The following NHEJ1 variants were observed in gnomAD, a reference collection of about 807,000 sequenced individuals.
NHEJ1 encodes non-homologous end joining factor 1, also known as non-homologous end-joining factor 1.
A neutral mutation model predicts 39.4 loss-of-function variants in NHEJ1; 22 were observed. The ratio of observed to expected loss-of-function variants is 0.56; its 90% CI spans 0.40 to 0.80. The LOEUF (loss-of-function observed/expected upper bound fraction) is 0.80, where lower values mean the gene tolerates loss of function less well. Among genes scored for constraint, NHEJ1 ranks in the 30% least tolerant of loss-of-function variants. The pLI is 0.00. For missense variants in NHEJ1, 329 were observed against 357.1 expected, an observed-to-expected ratio of 0.92 and a Z score of 0.63; for synonymous variants, 154 against 135.6, an observed-to-expected ratio of 1.14 and a Z score of -0.94.
chr2:219,129,437 A>T (rs1949555401), intron 5 of NHEJ1, among the ~76,000 whole-genome samples: 1 of 152,208 alleles, frequency 6.6e-6, no homozygotes, highest in Admixed American at 6.5e-5. Context: ...GAGAAGTGGG[A>T]CTAGCAAGTC....
intron 5 of NHEJ1, among the ~76,000 whole-genome samples, chr2:219,107,607 T>C (rs1298409210): frequency 1.3e-5 from 2 of 152,134 alleles, no homozygotes. Flanking sequence ...CCCAGGCTGC[T>C]CCCAAATAAT....
intron 5 of NHEJ1, among the ~76,000 whole-genome samples, chr2:219,136,606 T>C (rs1949631094): frequency 6.6e-6 from 1 of 151,796 alleles, no homozygotes; most frequent in Admixed American, 6.6e-5. Flanking sequence ...GGTTTCTTTA[T>C]TTGTTTGTTT....
At chr2:219,153,629 G>C (rs1949818752) in intron 3 of NHEJ1, among the ~76,000 whole-genome samples, 1 of 137,580 alleles carries the variant, frequency 7.3e-6, no homozygotes, top group Non-Finnish European at 1.5e-5. Context: ...CACTTGAGCT[G>C]AGGAATTCAA....
chr2:219,158,516 C>T (rs962436115), intron 1 of NHEJ1, among the ~76,000 whole-genome samples, 154 bp from the exon 2 acceptor site: 2 of 152,096 alleles, frequency 1.3e-5, no homozygotes, highest in East Asian at 3.8e-4. Context: ...ATACAACCAG[C>T]TGAGCACTGA....
intron 5 of NHEJ1, among the ~76,000 whole-genome samples, chr2:219,109,637 C>A (rs891332771): frequency 6.6e-6 from 1 of 152,066 alleles, no homozygotes; most frequent in Non-Finnish European, 1.5e-5. Context: ...TGGAGGCGGG[C>A]TGGTGTCTGG....
chr2:219,095,925 T>C (rs1034317765), intron 5 of NHEJ1, among the ~76,000 whole-genome samples: 2 of 151,582 alleles, frequency 1.3e-5, no homozygotes, highest in Non-Finnish European at 2.9e-5. Flanking sequence ...AACCAAGATT[T>C]AGATTCAGGG....
intron 5 of NHEJ1, among the ~76,000 whole-genome samples, chr2:219,138,127 C>G (rs1188806816): frequency 6.6e-6 from 1 of 152,094 alleles, no homozygotes; most frequent in African/African-American, 2.4e-5. Flanking sequence ...ACATATTGAA[C>G]AACAGGTACA....
chr2:219,077,342 A>G lies in NHEJ1; in HGVS notation c.729T>C (p.Ser243=), dbSNP rs1949023830. 2 of 1,613,902 alleles carry G rather than the reference A, an allele frequency of 1.2e-6. No homozygotes were observed. The highest frequency in any genetic ancestry group is 1.1e-5 in the South Asian group (1 of 91,082). The part of the protein sequence containing the change: ...QGAGDPHTSN[S]ASLQGIDSQC... ...GGCTATCGATTCCTTGCAGGGAAGCACTGTTTGAGGTATGAGGATCTCCTG... is the reference window on the plus strand; with the variant it reads ...GGCTATCGATTCCTTGCAGGGAAGCGCTGTTTGAGGTATGAGGATCTCCTG... Residue 243 remains serine (S), a synonymous_variant, in exon 7 of 8, where the codon AGT becomes AGC. Coordinates refer to ENST00000356853, the MANE Select transcript of NHEJ1 (RefSeq NM_024782.3).
At chr2:219,139,669 G>T (rs1005837227) in intron 5 of NHEJ1, among the ~76,000 whole-genome samples, 6 of 152,044 alleles carry the variant, frequency 3.9e-5, no homozygotes, top group South Asian at 4.2e-4. Context: ...GTTTTTTGGG[G>T]TTTTTTGTTT....
intron 3 of NHEJ1, among the ~76,000 whole-genome samples, chr2:219,155,816 G>C (rs1040755710): frequency 6.6e-6 from 1 of 151,562 alleles, no homozygotes; most frequent in African/African-American, 2.4e-5. Context: ...TCCCAGCTAC[G>C]GGGGGCGCTG....
At chr2:219,120,293 C>T (rs143692656) in intron 5 of NHEJ1, among the ~76,000 whole-genome samples, 143 of 152,258 alleles carry the variant, frequency 9.4e-4, no homozygotes, top group African/African-American at 3.3e-3. Context: ...ACACAAGGTC[C>T]ATACTCTCAG....
At position 219,072,525 on chromosome 2, in the gene NHEJ1, C is replaced by T. The variant is rs1424110150; in HGVS notation, c.*3856G>A. 6.6e-6 allele frequency among the ~76,000 whole-genome samples: 1 copy of T among 152,144 alleles called. No individual in the cohort carries two copies. The highest frequency in any genetic ancestry group is 1.9e-4 in the East Asian group (1 of 5,196). Reference sequence around the variant, plus strand: ...ACAGTAGAGCTTAGAAAAACATATCCTGATTGTATCAAAACCTAGTTGACA... The same window carrying T: ...ACAGTAGAGCTTAGAAAAACATATCTTGATTGTATCAAAACCTAGTTGACA... On this transcript the variant is annotated 3_prime_UTR_variant, in exon 8 of 8. Transcript: ENST00000356853.
intron 1 of NHEJ1, among the ~76,000 whole-genome samples, chr2:219,159,538 CAT>C (rs570504745): frequency 0.043 from 2,122 of 49,860 alleles, 181 homozygotes; most frequent in African/African-American, 0.14. Flanking sequence ...TATATATATG[CAT>C]ATATATATAT....
At chr2:219,089,617 T>C (rs1203076164) in intron 5 of NHEJ1, among the ~76,000 whole-genome samples, 1 of 152,160 alleles carries the variant, frequency 6.6e-6, no homozygotes, top group East Asian at 1.9e-4. Context: ...AGGTATGGCA[T>C]TTATTTTTGG....
chr2:219,095,370 A>G (rs1949198469), intron 5 of NHEJ1: 3 of 470,830 alleles, frequency 6.4e-6, no homozygotes, highest in African/African-American at 6.0e-5. Flanking sequence ...GAGATGATAA[A>G]TTATTTAGTT....
intron 5 of NHEJ1, among the ~76,000 whole-genome samples, chr2:219,118,707 G>A (rs1949439970): frequency 6.6e-6 from 1 of 152,246 alleles, no homozygotes; most frequent in Non-Finnish European, 1.5e-5. Flanking sequence ...GGGGATTCAG[G>A]CGGACAGCTC....
chr2:219,082,042 C>T (rs933889831), intron 5 of NHEJ1, among the ~76,000 whole-genome samples: 2 of 152,230 alleles, frequency 1.3e-5, no homozygotes, highest in Non-Finnish European at 2.9e-5. Flanking sequence ...TTTGCCAAAG[C>T]TTCCTTGGCT....
chr2:219,142,781 A>G (rs1011034281), intron 5 of NHEJ1, among the ~76,000 whole-genome samples: 3 of 152,204 alleles, frequency 2.0e-5, no homozygotes, highest in African/African-American at 4.8e-5. Flanking sequence ...AAAATGCCCT[A>G]TATAGGGTTC....
chr2:219,109,762 G>A (rs1285588917), intron 5 of NHEJ1, among the ~76,000 whole-genome samples: 1 of 152,190 alleles, frequency 6.6e-6, no homozygotes, highest in Non-Finnish European at 1.5e-5. Context: ...CCTCAGGACT[G>A]CCTGCAATTC....
Sources: allele counts gnomAD v4.1 joint callset (sites outside exome capture counted in the v4.1 genomes callset), GRCh38; gene constraint gnomAD v4.1.1; transcripts MANE v1.5; gene names NCBI Gene and HGNC (gene_info 2026-07-23, HGNC 2026-07-21).